Variants in DPM1 observed in about 807,000 individuals in gnomAD.
DPM1 encodes the protein dolichol-phosphate mannosyltransferase subunit 1.
In DPM1, 27 loss-of-function variants were observed where a neutral mutation model predicts 39.0. The observed-to-expected ratio is 0.69, with a 90% CI of 0.51 to 0.95. The LOEUF (loss-of-function observed/expected upper bound fraction) is 0.95, where lower values mean the gene tolerates loss of function less well. Ranked by LOEUF, DPM1 falls within the 40% of genes least tolerant of loss-of-function variation. The pLI is 0.00. For synonymous variants in DPM1, 124 were observed against 109.0 expected, an observed-to-expected ratio of 1.14 and a Z score of -0.86; for missense variants, 307 against 315.6, an observed-to-expected ratio of 0.97 and a Z score of 0.21.
In DPM1 at chr20:50,934,986, A is replaced by G; in HGVS notation, c.*146T>C. On this transcript the variant is annotated 3_prime_UTR_variant, in exon 9 of 9. Coordinates refer to ENST00000371588, the MANE Select transcript of DPM1 (RefSeq NM_003859.3). ...TTTAAAATTATTTAATTTGAAATAT[A>G]AAATAGGTGGTCTTCATAAAAAGAT... The G allele has an allele frequency of 1.7e-6, 1 of 585,016 alleles. No homozygotes were observed. 36.2% of individuals were successfully genotyped at this position (585,016 alleles called of 1,614,324 possible).
chr20:50,935,106 CG>C lies in DPM1; in HGVS notation c.*25del. On this transcript the variant is annotated 3_prime_UTR_variant, in exon 9 of 9. Coordinates refer to ENST00000371588, the MANE Select transcript of DPM1 (RefSeq NM_003859.3). ...TCTTTCATGTTTAACCTGAAATGAA[CG>C]TAACTATAAATGAGTATCTTTCTTT... The C allele has an allele frequency of 7.7e-7, 1 of 1,302,084 alleles. No individual in the cohort carries two copies. The highest frequency in any genetic ancestry group is 1.2e-5 in the South Asian group (1 of 83,982). The allele number at this position is 1,302,084 out of a possible 1,614,324, so 80.7% of individuals were successfully genotyped here. A position where few individuals can be genotyped will look rare whatever the true frequency, so the allele number is the denominator to read the frequency against.
At chr20:50,956,719 G>A (rs1405422467) in intron 1 of DPM1, among the ~76,000 whole-genome samples, 1 of 152,056 alleles carries the variant, frequency 6.6e-6, no homozygotes, top group East Asian at 1.9e-4. Flanking sequence ...CTTAAATCTG[G>A]GCACTGGTGC....
intron 1 of DPM1, among the ~76,000 whole-genome samples, chr20:50,956,048 A>T (rs1181773116): frequency 6.6e-6 from 1 of 152,194 alleles, no homozygotes. Context: ...TTTCATCTTT[A>T]AAAAAACCGA....
intron 8 of DPM1, 62 bp from the exon 9 acceptor site, chr20:50,935,298 T>C (rs1196208346): frequency 3.1e-6 from 3 of 955,230 alleles, no homozygotes; most frequent in East Asian, 2.4e-5. Context: ...TTAGCCGGTA[T>C]ACCACATTAC....
chr20:50,951,588 A>G (rs1191612975), intron 2 of DPM1, among the ~76,000 whole-genome samples: 2 of 152,192 alleles, frequency 1.3e-5, no homozygotes, highest in African/African-American at 4.8e-5. Flanking sequence ...TAGGAGTTCA[A>G]GAAGAGCCTG....
chr20:50,957,249 T>C (rs1277276688), intron 1 of DPM1, among the ~76,000 whole-genome samples: 1 of 152,240 alleles, frequency 6.6e-6, no homozygotes, highest in East Asian at 1.9e-4. Flanking sequence ...TTAAGTCTAA[T>C]GCTCAGGCGG....
intron 7 of DPM1, among the ~76,000 whole-genome samples, chr20:50,940,174 C>G (rs1985602355): frequency 6.7e-6 from 1 of 149,964 alleles, no homozygotes; most frequent in South Asian, 2.1e-4. Context: ...AGCAAAGGAC[C>G]CAAGAATCAA....
intron 1 of DPM1, among the ~76,000 whole-genome samples, chr20:50,956,730 C>T (rs1986840544): frequency 6.6e-6 from 1 of 152,136 alleles, no homozygotes; most frequent in African/African-American, 2.4e-5. Flanking sequence ...GCACTGGTGC[C>T]TTTACATGCC....
intron 2 of DPM1, among the ~76,000 whole-genome samples, chr20:50,950,561 T>C (rs1455316804): frequency 1.3e-5 from 2 of 152,116 alleles, no homozygotes; most frequent in African/African-American, 4.8e-5. Context: ...AGCTGGAAAA[T>C]CTTTCTTTTA....
upstream of DPM1, chr20:50,958,557 A>T: frequency 6.2e-7 from 1 of 1,612,190 alleles, no homozygotes; most frequent in Non-Finnish European, 8.5e-7. Flanking sequence ...AAGCGGAATT[A>T]CGTAATGTGG....
chr20:50,941,512 G>A (rs888833054), intron 6 of DPM1, among the ~76,000 whole-genome samples: 16 of 150,670 alleles, frequency 1.1e-4, no homozygotes, highest in Non-Finnish European at 2.4e-4. Context: ...AGGAGTTCGA[G>A]GGCAACCTGG....
chr20:50,953,311 A>G (rs920826165), intron 2 of DPM1, among the ~76,000 whole-genome samples: 1 of 152,218 alleles, frequency 6.6e-6, no homozygotes, highest in Admixed American at 6.5e-5. Context: ...TGTCACCTAC[A>G]GAATTTTTAA....
intron 1 of DPM1, among the ~76,000 whole-genome samples, chr20:50,956,655 C>G (rs1986836221): frequency 6.6e-6 from 1 of 152,160 alleles, no homozygotes; most frequent in Non-Finnish European, 1.5e-5. Context: ...AAAGCAAACC[C>G]CTGTGTTATC....
chr20:50,935,064 A>C lies in DPM1; in HGVS notation c.*68T>G, dbSNP rs1051157871. On this transcript the variant is annotated 3_prime_UTR_variant, in exon 9 of 9. Transcript: ENST00000371588. The stretch of plus-strand genomic sequence containing the variant: ...TATACTTTAAGAGTACATTTTATAC[A>C]AATCAGTAACCAGGCTTCTTTCATG... 7 of 942,080 alleles carry C rather than the reference A, an allele frequency of 7.4e-6. No homozygotes were observed. The highest frequency in any genetic ancestry group is 1.0e-5 in the Non-Finnish European group (6 of 580,498). 58.4% of individuals were successfully genotyped at this position (942,080 alleles called of 1,614,324 possible). A position where few individuals can be genotyped will look rare whatever the true frequency, so the allele number is the denominator to read the frequency against.
intron 2 of DPM1, among the ~76,000 whole-genome samples, chr20:50,953,568 A>C (rs1986688548): frequency 3.9e-5 from 6 of 152,238 alleles, no homozygotes; most frequent in Admixed American, 3.9e-4. Context: ...TGAATGAATA[A>C]GGAATTTTAT....
intron 2 of DPM1, among the ~76,000 whole-genome samples, chr20:50,952,824 A>G (rs1014547066): frequency 3.3e-5 from 5 of 152,222 alleles, no homozygotes; most frequent in African/African-American, 1.2e-4. Flanking sequence ...TAAAATACTA[A>G]ACTATAAAAT....
chr20:50,947,716 C>T (rs1037124153), intron 3 of DPM1, among the ~76,000 whole-genome samples: 1 of 149,794 alleles, frequency 6.7e-6, no homozygotes, highest in African/African-American at 2.5e-5. Flanking sequence ...GCAACCTCTG[C>T]CTCCTGAGTT....
intron 2 of DPM1, among the ~76,000 whole-genome samples, chr20:50,951,769 C>A (rs1986589630): frequency 6.6e-6 from 1 of 151,338 alleles, no homozygotes; most frequent in South Asian, 2.1e-4. Context: ...GCCTGGGCGA[C>A]AGAGCGAGAC....
intron 1 of DPM1, among the ~76,000 whole-genome samples, chr20:50,956,179 A>C (rs770701936): frequency 1.3e-5 from 2 of 152,250 alleles, no homozygotes; most frequent in Non-Finnish European, 2.9e-5. Flanking sequence ...TGTGCTTCAG[A>C]ATTAACATCT....
Sources: gnomAD v4.1 joint callset for allele counts (sites outside exome capture counted in the v4.1 genomes callset) on GRCh38, gnomAD v4.1.1 for gene constraint, MANE v1.5 for transcripts, NCBI Gene and HGNC (gene_info 2026-07-23, HGNC 2026-07-21) for gene names.